Variants in RUFY4 observed in about 807,000 individuals in gnomAD.
The protein encoded by RUFY4 is RUN and FYVE domain-containing protein 4.
A neutral mutation model predicts 69.0 loss-of-function variants in RUFY4; 73 were observed. That is an observed-to-expected ratio of 1.06 (90% CI 0.88 to 1.29). The LOEUF (loss-of-function observed/expected upper bound fraction) is 1.29, where lower values mean the gene tolerates loss of function less well. RUFY4 is among the 50% of genes most tolerant of loss of function. RUFY4 has a pLI of 0.00. For synonymous variants in RUFY4, 287 were observed against 271.8 expected (o/e 1.06, Z -0.55); for missense variants, 770 against 705.6 (o/e 1.09, Z -1.03).
intron 3 of RUFY4, 24 bp from the exon 6 acceptor site, chr2:218,072,755 A>G (rs750027781): frequency 7.2e-5 from 107 of 1,478,176 alleles, no homozygotes; most frequent in African/African-American, 2.1e-4. Flanking sequence ...ACTGCTCCCC[A>G]TTCTGCCCCT....
At chr2:218,049,235 A>G (rs546727867) in intron 2 of RUFY4, among the ~76,000 whole-genome samples, 65 of 152,142 alleles carry the variant, frequency 4.3e-4, no homozygotes, top group African/African-American at 1.5e-3. Flanking sequence ...TCCTCAAATG[A>G]CCTTCTTTTT....
At chr2:218,089,155 G>T in intron 9 of RUFY4, 97 bp from the exon 12 acceptor site, 1 of 903,324 alleles carries the variant, frequency 1.1e-6, no homozygotes, top group Non-Finnish European at 1.7e-6. Flanking sequence ...GTGTGATTCC[G>T]TCTGTTCCTC....
intron 2 of RUFY4, chr2:218,035,419 C>G (rs1958960073): frequency 6.6e-6 from 1 of 152,370 alleles, no homozygotes; most frequent in South Asian, 2.1e-4. Flanking sequence ...CGAGATCACA[C>G]AGTGAGTGTG....
At chr2:218,060,259 G>A in intron 3 of RUFY4, 1 of 1,319,278 alleles carries the variant, frequency 7.6e-7, no homozygotes, top group Non-Finnish European at 1.0e-6. Context: ...AGACCAAGAA[G>A]AGCTAGTGGA....
chr2:218,075,168 G>T, exon 7 of RUFY4: 1 of 1,556,708 alleles, frequency 6.4e-7, no homozygotes, highest in East Asian at 2.4e-5. Flanking sequence ...CTGTCTGCAA[G>T]ATGCACCCAG....
chr2:218,072,790 T>C (rs1319091234), exon 4 of RUFY4: 2 of 1,530,854 alleles, frequency 1.3e-6, no homozygotes, highest in Non-Finnish European at 1.7e-6. Flanking sequence ...TGAAGACCCC[T>C]CTGGGGAAAG....
At chr2:218,072,706 C>T in intron 3 of RUFY4, 73 bp from the exon 6 acceptor site, 2 of 1,322,292 alleles carry the variant, frequency 1.5e-6, no homozygotes, top group East Asian at 2.5e-5. Flanking sequence ...CACTTCCAGT[C>T]CCCTCTCTCT....
intron 3 of RUFY4, chr2:218,061,282 C>G: frequency 3.1e-6 from 1 of 324,742 alleles, no homozygotes; most frequent in South Asian, 2.7e-5. Flanking sequence ...TAATTGATTT[C>G]TAGGGATTCT....
rs1384111840 is a variant in RUFY4, at chr2:218,073,232, T to G, written c.387-11T>G. 1 of 1,549,956 alleles carries G rather than the reference T, an allele frequency of 6.5e-7. No individual in the cohort carries two copies. The highest frequency in any genetic ancestry group is 8.7e-7 in the Non-Finnish European group (1 of 1,146,990). On this transcript the variant is annotated splice_polypyrimidine_tract_variant and intron_variant, in intron 4 of 10. Coordinates refer to ENST00000344321, the Ensembl canonical transcript of RUFY4. ...GTCAAAGGCCAAGGGTTCTGATCACTGTTAACACAGGGAATGGTATGGACC... is the reference window on the plus strand; with the variant it reads ...GTCAAAGGCCAAGGGTTCTGATCACGGTTAACACAGGGAATGGTATGGACC...
intron 8 of RUFY4, among the ~76,000 whole-genome samples, chr2:218,080,211 C>A (rs1461259326): frequency 6.6e-6 from 1 of 152,200 alleles, no homozygotes; most frequent in African/African-American, 2.4e-5. Flanking sequence ...CTCTGTGCTA[C>A]CAGAGGCTGG....
intron 3 of RUFY4, among the ~76,000 whole-genome samples, chr2:218,062,378 C>T (rs1042269064): frequency 1.4e-5 from 2 of 140,776 alleles, no homozygotes; most frequent in Non-Finnish European, 3.0e-5. Context: ...TGCACTCCAG[C>T]TTGGGAGACA....
At chr2:218,058,258 C>A (rs942149375) in intron 2 of RUFY4, among the ~76,000 whole-genome samples, 1 of 152,196 alleles carries the variant, frequency 6.6e-6, no homozygotes, top group African/African-American at 2.4e-5. Context: ...TTCTCCTTAG[C>A]TTTTCCTTTA....
chr2:218,052,838 GT>G (rs34869002), intron 2 of RUFY4, among the ~76,000 whole-genome samples: 4 of 147,942 alleles, frequency 2.7e-5, no homozygotes, highest in East Asian at 3.9e-4. Context: ...CAGGTCTAAG[GT>G]TTTTTTTTTC....
intron 2 of RUFY4, among the ~76,000 whole-genome samples, chr2:218,050,774 C>T (rs1432954741): frequency 6.6e-6 from 1 of 152,150 alleles, no homozygotes; most frequent in Non-Finnish European, 1.5e-5. Flanking sequence ...GATGAGAGTA[C>T]ATGCAATGAC....
intron 2 of RUFY4, among the ~76,000 whole-genome samples, chr2:218,052,179 G>A (rs938864194): frequency 6.6e-6 from 1 of 152,172 alleles, no homozygotes; most frequent in African/African-American, 2.4e-5. Flanking sequence ...TTCAACATTT[G>A]TCAGTTCCTG....
chr2:218,089,412 C>T (rs774068216), intron 10 of RUFY4, 50 bp downstream of exon 12: 1 of 1,515,644 alleles, frequency 6.6e-7, no homozygotes, highest in Non-Finnish European at 9.1e-7. Context: ...CAGTTTCCAC[C>T]AGCTGACAGC....
At chr2:218,036,574 A>G (rs546311494) in intron 2 of RUFY4, among the ~76,000 whole-genome samples, 80 of 152,360 alleles carry the variant, frequency 5.3e-4, no homozygotes, top group Middle Eastern at 3.4e-3. Flanking sequence ...CTCTTAGATG[A>G]CGTAAAACTT....
intron 8 of RUFY4, among the ~76,000 whole-genome samples, chr2:218,077,825 A>C (rs1484770828): frequency 6.6e-6 from 1 of 152,226 alleles, no homozygotes; most frequent in Non-Finnish European, 1.5e-5. Context: ...CTGAGCACAC[A>C]GTGTGGTCGC....
upstream of RUFY4, chr2:218,068,703 C>G (rs1425698018): frequency 1.3e-5 from 2 of 152,518 alleles, no homozygotes; most frequent in Non-Finnish European, 2.9e-5. Context: ...CCTGGGAAAC[C>G]CACCTGGCCC....
Sources: allele counts gnomAD v4.1 joint callset (sites outside exome capture counted in the v4.1 genomes callset), GRCh38; gene constraint gnomAD v4.1.1; transcripts MANE v1.5; gene names NCBI Gene and HGNC (gene_info 2026-07-23, HGNC 2026-07-21).